The following TBC1D30 variants were observed in gnomAD, a reference collection of about 807,000 sequenced individuals.
The protein encoded by TBC1D30 is TBC1 domain family member 30, also known as TBC1 domain family, member 30.
In TBC1D30, 31 loss-of-function variants were observed where a neutral mutation model predicts 63.2. The observed-to-expected ratio is 0.49, with a 90% CI of 0.37 to 0.66. TBC1D30 has a LOEUF of 0.66. Ranked by LOEUF, TBC1D30 falls within the 30% of genes least tolerant of loss-of-function variation. TBC1D30 has a pLI of 0.00. For missense variants in TBC1D30, 810 were observed against 953.6 expected (o/e 0.85, Z 1.98); for synonymous variants, 307 against 361.5 (o/e 0.85, Z 1.71).
chr12:64,815,522 T>G (rs1167802118), intron 2 of TBC1D30, among the ~76,000 whole-genome samples: 1 of 152,186 alleles, frequency 6.6e-6, no homozygotes, highest in South Asian at 2.1e-4. Context: ...TTTAAATTTA[T>G]TGCAAAGTAA....
intron 1 of TBC1D30, chr12:64,785,849 T>C: frequency 7.8e-7 from 1 of 1,278,264 alleles, no homozygotes; most frequent in Non-Finnish European, 1.0e-6. Context: ...CTCAAGGTAT[T>C]AATCGTTATT....
upstream of TBC1D30, among the ~76,000 whole-genome samples, chr12:64,820,002 G>A (rs532641348): frequency 9.2e-5 from 14 of 152,210 alleles, no homozygotes; most frequent in Admixed American, 7.9e-4. Flanking sequence ...AGGGAACTCC[G>A]CAGCTGTACA....
At chr12:64,782,846 G>A (rs903714660) in intron 1 of TBC1D30, among the ~76,000 whole-genome samples, 23 of 152,160 alleles carry the variant, frequency 1.5e-4, no homozygotes, top group Admixed American at 1.4e-3. Context: ...ACCCTATTAA[G>A]ATGAACAAAA....
chr12:64,834,139 A>C (rs888614639), intron 5 of TBC1D30, among the ~76,000 whole-genome samples: 1 of 152,220 alleles, frequency 6.6e-6, no homozygotes, highest in African/African-American at 2.4e-5. Flanking sequence ...TCATCCTTTA[A>C]GAGTGTATAG....
chr12:64,831,993 CAT>C, intron 4 of TBC1D30, 124 bp from the exon 5 acceptor site: 1 of 879,302 alleles, frequency 1.1e-6, no homozygotes, highest in Middle Eastern at 3.1e-4. Flanking sequence ...TGTATAAAAA[CAT>C]ACACATTTTA....
At position 64,878,479 on chromosome 12, in the gene TBC1D30, C is replaced by T. The variant is rs1377652957; in HGVS notation, c.*2691C>T. Reference sequence around the variant, plus strand: ...CTGATGCCTCTGCACCTCAGTTCCTCTTACAAAAGCCTCCAGATGATCTAA... The same window carrying T: ...CTGATGCCTCTGCACCTCAGTTCCTTTTACAAAAGCCTCCAGATGATCTAA... On this transcript the variant is annotated 3_prime_UTR_variant, in exon 12 of 12. Transcript: ENST00000539867. The T allele has an allele frequency of 1.5e-5, 7 of 456,750 alleles. 1 individual carries two copies. Among genetic ancestry groups the T allele is most frequent in the South Asian group, 1.1e-4 (7 of 64,572 alleles). 28.3% of individuals were successfully genotyped at this position (456,750 alleles called of 1,614,324 possible). A position where few individuals can be genotyped will look rare whatever the true frequency, so the allele number is the denominator to read the frequency against.
At chr12:64,819,634 C>CAT (rs1349671085) in intron 2 of TBC1D30, among the ~76,000 whole-genome samples, 1 of 152,036 alleles carries the variant, frequency 6.6e-6, no homozygotes, top group Non-Finnish European at 1.5e-5. Flanking sequence ...CCAGGCTGGT[C>CAT]AGTCTCCCGA....
chr12:64,871,850 G>A (rs1480856640), intron 11 of TBC1D30, among the ~76,000 whole-genome samples: 1 of 152,186 alleles, frequency 6.6e-6, no homozygotes, highest in Non-Finnish European at 1.5e-5. Flanking sequence ...GAACACAGGT[G>A]TTCTGATTCT....
At chr12:64,843,571 T>C in intron 8 of TBC1D30, 86 bp downstream of exon 8, 1 of 970,136 alleles carries the variant, frequency 1.0e-6, no homozygotes, top group East Asian at 2.7e-5. Context: ...TCTTGAGAAA[T>C]GTGCTTGGTT....
chr12:64,774,054 A>G (rs1269007694), intron 1 of TBC1D30, among the ~76,000 whole-genome samples: 1 of 152,224 alleles, frequency 6.6e-6, no homozygotes, highest in Admixed American at 6.5e-5. Flanking sequence ...ATGATAAAAC[A>G]TCATAGGAGC....
At chr12:64,769,056 G>A (rs1365573073) in intron 1 of TBC1D30, among the ~76,000 whole-genome samples, 1 of 152,104 alleles carries the variant, frequency 6.6e-6, no homozygotes, top group Non-Finnish European at 1.5e-5. Flanking sequence ...TACTTAGGAG[G>A]CTGAGATGAG....
At chr12:64,840,817 G>A (rs547459298) in intron 7 of TBC1D30, among the ~76,000 whole-genome samples, 1 of 152,296 alleles carries the variant, frequency 6.6e-6, no homozygotes, top group South Asian at 2.1e-4. Context: ...GAATCAGAAT[G>A]ATAGAATTTT....
chr12:64,759,614 G>GA (rs3830373), exon 1 of TBC1D30: 39 of 345,940 alleles, frequency 1.1e-4, no homozygotes, highest in East Asian at 2.8e-4. Flanking sequence ...CGGAGAACCG[G>GA]GAAAAGGGCG....
At position 64,877,931 on chromosome 12, in the gene TBC1D30, A is replaced by G. The variant is rs868673364; in HGVS notation, c.*2143A>G. On this transcript the variant is annotated 3_prime_UTR_variant, in exon 12 of 12. Coordinates refer to ENST00000539867, the MANE Select transcript of TBC1D30 (RefSeq NM_015279.2). ...GGTTCAAGGAAATGGTTAATGAGGTAGAGGCCACTTATACAAGTCCTTGGG... is the reference window on the plus strand; with the variant it reads ...GGTTCAAGGAAATGGTTAATGAGGTGGAGGCCACTTATACAAGTCCTTGGG... 5 of 154,040 alleles carry G rather than the reference A, an allele frequency of 3.2e-5. No homozygotes were observed. The highest frequency in any genetic ancestry group is 5.8e-5 in the Non-Finnish European group (4 of 69,136). 9.5% of individuals were successfully genotyped at this position (154,040 alleles called of 1,614,324 possible). A position where few individuals can be genotyped will look rare whatever the true frequency, so the allele number is the denominator to read the frequency against.
intron 2 of TBC1D30, among the ~76,000 whole-genome samples, chr12:64,810,060 C>T (rs1270186789): frequency 5.9e-5 from 9 of 152,166 alleles, no homozygotes; most frequent in African/African-American, 1.2e-4. Context: ...CTTAACCCCT[C>T]GTCCATATGG....
chr12:64,867,015 T>A, intron 10 of TBC1D30, 112 bp downstream of exon 10: 1 of 1,218,424 alleles, frequency 8.2e-7, no homozygotes, highest in Non-Finnish European at 1.1e-6. Flanking sequence ...TTACAACTAT[T>A]AAAAGTCTTT....
chr12:64,795,520 A>G (rs1239354278), intron 2 of TBC1D30, among the ~76,000 whole-genome samples: 1 of 152,104 alleles, frequency 6.6e-6, no homozygotes, highest in Non-Finnish European at 1.5e-5. Context: ...TTCTCCCCAT[A>G]TTTCTTGTCA....
upstream of TBC1D30, among the ~76,000 whole-genome samples, chr12:64,823,766 A>G (rs1423656687): frequency 6.6e-6 from 1 of 152,200 alleles, no homozygotes; most frequent in Non-Finnish European, 1.5e-5. Flanking sequence ...CTGGGACTAT[A>G]GGCATGCTGT....
intron 6 of TBC1D30, among the ~76,000 whole-genome samples, chr12:64,837,348 T>A (rs1422553835): frequency 6.6e-6 from 1 of 152,026 alleles, no homozygotes. Flanking sequence ...TAATACATAA[T>A]GAAGTAATTA....
Sources: allele counts gnomAD v4.1 joint callset (sites outside exome capture counted in the v4.1 genomes callset), GRCh38; gene constraint gnomAD v4.1.1; transcripts MANE v1.5; gene names NCBI Gene and HGNC (gene_info 2026-07-23, HGNC 2026-07-21).